Variants in ZC3H13 observed in about 807,000 individuals in gnomAD.
ZC3H13 encodes zinc finger CCCH-type containing 13.
ZC3H13 carries 64 observed loss-of-function variants against 204.1 expected under a neutral mutation model. The ratio of observed to expected loss-of-function variants is 0.31; its 90% CI spans 0.26 to 0.39. The LOEUF (loss-of-function observed/expected upper bound fraction) is 0.39. ZC3H13 is among the 10% of genes least tolerant of loss of function. The pLI is 1.00. For missense variants in ZC3H13, 1,833 were observed against 2,082.7 expected, an observed-to-expected ratio of 0.88 and a Z score of 2.33; for synonymous variants, 667 against 693.7, an observed-to-expected ratio of 0.96 and a Z score of 0.60.
rs577183775 is a variant in ZC3H13, at chr13:46,048,450, A to G, written c.-9-2934T>C. 5.9e-5 allele frequency among the ~76,000 whole-genome samples: 9 copies of G among 151,956 alleles called. No individual in the cohort carries two copies. In the South Asian group the frequency reaches 8.3e-4, roughly 14 times the overall value. ...AACAAAATTAGCCGGGCGTGGTGGC[A>G]GGCGCCTGTAGTCCCAGCTACTCGG... On this transcript the variant is annotated intron_variant, in intron 1 of 18. Coordinates refer to ENST00000679008, the MANE Select transcript of ZC3H13 (RefSeq NM_001330564.2).
chr13:45,984,521 T>C (rs868451080), intron 10 of ZC3H13, among the ~76,000 whole-genome samples: 2 of 152,192 alleles, frequency 1.3e-5, no homozygotes, highest in South Asian at 4.1e-4. Flanking sequence ...ACAGTTTTTT[T>C]ATGAAATTAA....
At chr13:45,987,582 C>A (rs949768106) in intron 9 of ZC3H13, among the ~76,000 whole-genome samples, 2 of 152,084 alleles carry the variant, frequency 1.3e-5, no homozygotes, top group Non-Finnish European at 1.5e-5. Flanking sequence ...CCAGTCCCTG[C>A]CTATTTTCTT....
At chr13:46,031,970 A>G (rs2042924751) in intron 4 of ZC3H13, among the ~76,000 whole-genome samples, 1 of 152,240 alleles carries the variant, frequency 6.6e-6, no homozygotes, top group Non-Finnish European at 1.5e-5. Context: ...ATCTGCACAC[A>G]GATGTTTATA....
At chr13:45,985,981 T>C (rs1209415620) in intron 9 of ZC3H13, among the ~76,000 whole-genome samples, 2 of 152,158 alleles carry the variant, frequency 1.3e-5, no homozygotes, top group Non-Finnish European at 2.9e-5. Flanking sequence ...CCAACTTACC[T>C]ATACTGCCCC....
Position 45,956,056 on chromosome 13 carries a change from C to T in ZC3H13, c.*1071G>A, listed in dbSNP as rs1951258189. 1 of 152,106 alleles carries T rather than the reference C, an allele frequency of 6.6e-6. No homozygotes were observed. The highest frequency in any genetic ancestry group is 1.9e-4 in the East Asian group (1 of 5,202). 9.4% of individuals were successfully genotyped at this position (152,106 alleles called of 1,614,324 possible). On this transcript the variant is annotated 3_prime_UTR_variant, in exon 19 of 19. Transcript: ENST00000679008. The stretch of plus-strand genomic sequence containing the variant: ...TTCAAATCCTTCTAAGAGTCCACTT[C>T]ATGAGTTAAACATATACATATAGAA...
intron 10 of ZC3H13, among the ~76,000 whole-genome samples, chr13:45,984,676 T>C (rs1954014311): frequency 6.6e-6 from 1 of 152,002 alleles, no homozygotes; most frequent in Admixed American, 6.6e-5. Context: ...AGAATAAAAG[T>C]GATCAAAGTT....
chr13:46,020,693 C>CA (rs1593709019), intron 4 of ZC3H13, 136 bp from the exon 5 acceptor site: 2 of 604,064 alleles, frequency 3.3e-6, no homozygotes, highest in East Asian at 6.2e-5. Flanking sequence ...GTCACTTATC[C>CA]ACTAAGTAGA....
At chr13:45,992,962 G>A (rs1275196900) in intron 8 of ZC3H13, among the ~76,000 whole-genome samples, 1 of 152,114 alleles carries the variant, frequency 6.6e-6, no homozygotes, top group Non-Finnish European at 1.5e-5. Flanking sequence ...CCAGATCACA[G>A]GGCTTTATAG....
At chr13:46,008,748 T>A (rs2138619403) in intron 7 of ZC3H13, among the ~76,000 whole-genome samples, 1 of 152,302 alleles carries the variant, frequency 6.6e-6, no homozygotes, top group East Asian at 1.9e-4. Context: ...GCAAGTGAAG[T>A]GGAGCGTATC....
chr13:45,979,385 G>GT (rs564846609), intron 11 of ZC3H13, among the ~76,000 whole-genome samples: 47 of 151,408 alleles, frequency 3.1e-4, no homozygotes, highest in African/African-American at 2.7e-4. Context: ...CTATCATTCA[G>GT]TTTTTTTTTA....
chr13:46,022,524 C>A (rs1466268233), intron 4 of ZC3H13, among the ~76,000 whole-genome samples: 1 of 151,868 alleles, frequency 6.6e-6, no homozygotes. Context: ...GTCTACTATT[C>A]CACCTTGCTG....
chr13:46,044,599 T>C (rs1320078731), intron 3 of ZC3H13, among the ~76,000 whole-genome samples: 1 of 152,164 alleles, frequency 6.6e-6, no homozygotes, highest in Non-Finnish European at 1.5e-5. Flanking sequence ...TGAATTTTAC[T>C]ATTTTAAGAG....
intron 12 of ZC3H13, among the ~76,000 whole-genome samples, chr13:45,971,790 CAAAT>C (rs1293337033): frequency 2.0e-5 from 3 of 152,020 alleles, no homozygotes; most frequent in Non-Finnish European, 2.9e-5. Flanking sequence ...ATAAGAAACT[CAAAT>C]AAATCAGCAA....
At position 45,969,139 on chromosome 13, in the gene ZC3H13, G is replaced by T; in HGVS notation, c.3405C>A (p.Ile1135=). Residue 1135 remains isoleucine (I), a synonymous_variant, in exon 14 of 19, where the codon ATC becomes ATA. Transcript: ENST00000679008. ...TGGGGGTGGCAGAGGTGGAAATAGT[G>T]ATGGCAGATGTGCTGAAAGAGGTGG... is the stretch of plus-strand genomic sequence containing the variant. The part of the protein sequence containing the change: ...AAATSFSTSA[I]TISTSATPTN... The T allele has an allele frequency of 6.2e-7, 1 of 1,614,148 alleles. No individual in the cohort carries two copies. Among genetic ancestry groups the T allele is most frequent in the Non-Finnish European group, 8.5e-7 (1 of 1,180,010 alleles).
chr13:45,962,928 C>A, intron 17 of ZC3H13: 4 of 985,212 alleles, frequency 4.1e-6, no homozygotes, highest in Non-Finnish European at 4.8e-6. Flanking sequence ...AAACCAAAAC[C>A]AAACAACCCC....
At chr13:46,037,640 A>G (rs968589893) in intron 4 of ZC3H13, among the ~76,000 whole-genome samples, 3 of 135,146 alleles carry the variant, frequency 2.2e-5, no homozygotes, top group African/African-American at 8.8e-5. Flanking sequence ...TACCTCATAT[A>G]AGCCTCTCAC....
At chr13:45,985,164 GACT>G (rs1954063876) in intron 10 of ZC3H13, 130 bp downstream of exon 10, 2 of 976,432 alleles carry the variant, frequency 2.0e-6, no homozygotes, top group Non-Finnish European at 2.9e-6. Flanking sequence ...TTATAAGGAA[GACT>G]ACAAGTTCAA....
chr13:46,024,725 ATTCT>A (rs2042432242), intron 4 of ZC3H13, among the ~76,000 whole-genome samples: 1 of 70,088 alleles, frequency 1.4e-5, no homozygotes, highest in East Asian at 4.8e-4. Context: ...CTTCTCCAAC[ATTCT>A]TTTTTTTTTT....
At position 45,962,594 on chromosome 13, in the gene ZC3H13, T is replaced by C. The variant is rs563357242; in HGVS notation, c.4675+1248A>G. The stretch of plus-strand genomic sequence containing the variant: ...CGGTTAATACACGTTAACAATTATA[T>C]GTATTTTGTACATGTATACTCTAGG... On this transcript the variant is annotated intron_variant, in intron 17 of 18. Transcript: ENST00000679008. 8.3e-4 allele frequency: 821 copies of C among 985,054 alleles called. 2 individuals are homozygous for C. The highest frequency in any genetic ancestry group is 6.3e-3 in the South Asian group (134 of 21,284). 61.0% of individuals were successfully genotyped at this position (985,054 alleles called of 1,614,324 possible).
Sources: gnomAD v4.1 joint callset for allele counts (sites outside exome capture counted in the v4.1 genomes callset) on GRCh38, gnomAD v4.1.1 for gene constraint, MANE v1.5 for transcripts, NCBI Gene and HGNC (gene_info 2026-07-23, HGNC 2026-07-21) for gene names.